RBFOX2: variants seen among roughly 807,000 people sequenced by gnomAD.
The protein encoded by RBFOX2 is RNA binding fox-1 homolog 2, also known as RNA binding protein fox-1 homolog 2.
RBFOX2 carries 10 observed loss-of-function variants against 49.1 expected under a neutral mutation model. The ratio of observed to expected loss-of-function variants is 0.20; its 90% CI spans 0.13 to 0.35. The LOEUF (loss-of-function observed/expected upper bound fraction) is 0.35. Among genes scored for constraint, RBFOX2 ranks in the 10% least tolerant of loss-of-function variants. The pLI is 1.00. For missense variants in RBFOX2, 323 were observed against 486.9 expected (o/e 0.66, Z 3.17); for synonymous variants, 183 against 187.4 (o/e 0.98, Z 0.19).
At chr22:35,751,684 G>A (rs975446053) in intron 9 of RBFOX2, among the ~76,000 whole-genome samples, 7 of 152,084 alleles carry the variant, frequency 4.6e-5, no homozygotes, top group Admixed American at 6.5e-5. Flanking sequence ...TGGTGATACC[G>A]TCACTGCTTT....
intron 2 of RBFOX2, among the ~76,000 whole-genome samples, chr22:35,803,866 A>G (rs1201214871): frequency 6.6e-6 from 1 of 152,342 alleles, no homozygotes; most frequent in Non-Finnish European, 1.5e-5. Context: ...AAATTATCCA[A>G]TCTAAAGAAC....
intron 1 of RBFOX2, among the ~76,000 whole-genome samples, chr22:35,887,611 C>A (rs919400808): frequency 2.6e-5 from 4 of 152,132 alleles, no homozygotes; most frequent in Non-Finnish European, 4.4e-5. Context: ...CTCTTCCTTC[C>A]TTCCCAATAC....
intron 1 of RBFOX2, among the ~76,000 whole-genome samples, chr22:36,013,822 C>A (rs2058927837): frequency 6.6e-6 from 1 of 152,000 alleles, no homozygotes; most frequent in African/African-American, 2.4e-5. Context: ...AAATTAGTAA[C>A]AGTGGTTACT....
At chr22:35,857,963 G>A (rs1348991967) in intron 1 of RBFOX2, among the ~76,000 whole-genome samples, 1 of 152,048 alleles carries the variant, frequency 6.6e-6, no homozygotes. Context: ...TGATATCAGA[G>A]GTGAATATAT....
At chr22:35,768,834 A>AT (rs1438535069) in intron 4 of RBFOX2, among the ~76,000 whole-genome samples, 2 of 152,238 alleles carry the variant, frequency 1.3e-5, no homozygotes, top group Non-Finnish European at 2.9e-5. Context: ...TCAACATTGC[A>AT]TAATGAGATT....
chr22:35,781,486 G>A, intron 3 of RBFOX2, 114 bp downstream of exon 4: 1 of 1,337,532 alleles, frequency 7.5e-7, no homozygotes, highest in Non-Finnish European at 1.0e-6. Flanking sequence ...ATTTACCTCA[G>A]GTTCTTTCAA....
chr22:35,941,884 G>A (rs2053727220), upstream of RBFOX2, among the ~76,000 whole-genome samples: 1 of 152,160 alleles, frequency 6.6e-6, no homozygotes, highest in Non-Finnish European at 1.5e-5. Flanking sequence ...CTACCTCTCA[G>A]ATAAGGCTAT....
intron 1 of RBFOX2, among the ~76,000 whole-genome samples, chr22:35,814,801 T>A (rs1047501998): frequency 2.8e-5 from 4 of 144,832 alleles, no homozygotes; most frequent in African/African-American, 2.6e-5. Flanking sequence ...ACAGCTGTAA[T>A]CCTAATGCTT....
chr22:35,765,063 G>C (rs549608197), intron 6 of RBFOX2, among the ~76,000 whole-genome samples: 1 of 151,490 alleles, frequency 6.6e-6, no homozygotes, highest in Admixed American at 6.6e-5. Context: ...CTAAAAGTAA[G>C]AGTCAGTGGG....
chr22:35,874,202 G>A (rs917001728), intron 1 of RBFOX2, among the ~76,000 whole-genome samples: 6 of 152,280 alleles, frequency 3.9e-5, no homozygotes, highest in South Asian at 2.1e-4. Flanking sequence ...CCTGCCTAGC[G>A]AAAGGCAGTA....
chr22:35,745,775 C>T (rs1932404956), intron 11 of RBFOX2, 148 bp downstream of exon 13: 1 of 755,884 alleles, frequency 1.3e-6, no homozygotes, highest in Non-Finnish European at 2.2e-6. Context: ...AAGAGGGTGA[C>T]ATGAAACTTC....
At chr22:35,781,488 T>A in intron 3 of RBFOX2, 112 bp downstream of exon 4, 1 of 1,348,672 alleles carries the variant, frequency 7.4e-7, no homozygotes, top group Non-Finnish European at 1.0e-6. Context: ...TTACCTCAGG[T>A]TCTTTCAATC....
chr22:35,952,479 T>C (rs1252740356), intron 1 of RBFOX2, among the ~76,000 whole-genome samples: 1 of 152,210 alleles, frequency 6.6e-6, no homozygotes, highest in Non-Finnish European at 1.5e-5. Context: ...CTTTAGTCTA[T>C]TTAAATTTCC....
intron 1 of RBFOX2, among the ~76,000 whole-genome samples, chr22:35,972,760 T>G (rs1203073162): frequency 6.6e-6 from 1 of 152,112 alleles, no homozygotes; most frequent in Non-Finnish European, 1.5e-5. Context: ...GTGGAGAGAA[T>G]GGACAGAGGC....
At chr22:35,841,643 T>C (rs1260076382), upstream of RBFOX2, among the ~76,000 whole-genome samples, 2 of 152,210 alleles carry the variant, frequency 1.3e-5, no homozygotes, top group Non-Finnish European at 2.9e-5. Context: ...TTAGTTATGC[T>C]ATGTATTTTT....
In RBFOX2 at chr22:35,746,569, A is replaced by C; in HGVS notation, c.888-8T>G. ...GTAGGCTGCATATCCACCCTACAGG[A>C]GAGAAGAGAACTGACTTTACAGATA... On this transcript the variant is annotated splice_polypyrimidine_tract_variant and splice_region_variant and intron_variant, in intron 9 of 11. Transcript: ENST00000405409. 1 of 1,550,152 alleles carries C rather than the reference A, an allele frequency of 6.5e-7. No homozygotes were observed. The highest frequency in any genetic ancestry group is 2.3e-5 in the East Asian group (1 of 43,046).
At chr22:35,797,101 G>A (rs1948918614) in intron 2 of RBFOX2, among the ~76,000 whole-genome samples, 1 of 152,006 alleles carries the variant, frequency 6.6e-6, no homozygotes, top group Non-Finnish European at 1.5e-5. Context: ...TTCCTAACTG[G>A]ATAATTAGGA....
chr22:35,938,886 C>T, exon 1 of RBFOX2: 2 of 1,613,844 alleles, frequency 1.2e-6, no homozygotes, highest in Non-Finnish European at 1.7e-6. Context: ...AACCTGGAGT[C>T]AGAGGCTCGT....
At chr22:35,899,152 C>CATAAA (rs958330366) in intron 1 of RBFOX2, among the ~76,000 whole-genome samples, 8 of 151,114 alleles carry the variant, frequency 5.3e-5, no homozygotes, top group African/African-American at 2.0e-4. Context: ...CATAACATAA[C>CATAAA]ATAACATAAC....
Sources: allele counts gnomAD v4.1 joint callset (sites outside exome capture counted in the v4.1 genomes callset), GRCh38; gene constraint gnomAD v4.1.1; transcripts MANE v1.5; gene names NCBI Gene and HGNC (gene_info 2026-07-23, HGNC 2026-07-21).